Variants in THBS4 observed in about 807,000 individuals in gnomAD.
The protein encoded by THBS4 is thrombospondin-4.
In THBS4, 90 loss-of-function variants were observed where a neutral mutation model predicts 115.7. The ratio of observed to expected loss-of-function variants is 0.78; its 90% CI spans 0.66 to 0.93. The LOEUF (loss-of-function observed/expected upper bound fraction) is 0.93. THBS4 is among the 40% of genes least tolerant of loss of function. The pLI is 0.00. For missense variants in THBS4, 1,087 were observed against 1,232.7 expected, an observed-to-expected ratio of 0.88 and a Z score of 1.77; for synonymous variants, 460 against 479.3, an observed-to-expected ratio of 0.96 and a Z score of 0.53.
intron 1 of THBS4, among the ~76,000 whole-genome samples, chr5:79,993,475 G>C (rs1831729516): frequency 6.6e-6 from 1 of 152,162 alleles, no homozygotes; most frequent in South Asian, 2.1e-4. Flanking sequence ...TTAGAGTATT[G>C]TTCAGAGTTC....
At chr5:80,082,728 T>A (rs1303455272) in intron 21 of THBS4, among the ~76,000 whole-genome samples, 183 bp downstream of exon 21, 1 of 152,274 alleles carries the variant, frequency 6.6e-6, no homozygotes, top group African/African-American at 2.4e-5. Flanking sequence ...TTTATCCATG[T>A]GGAAATTAAG....
At position 79,993,766 on chromosome 5, in the gene THBS4, G is replaced by A. The variant is rs192800239; in HGVS notation, n.81+2354G>A. On this transcript the variant is annotated intron_variant and non_coding_transcript_variant, in intron 1 of 3. Transcript: ENST00000510218. ...AGGTTTGTTAGGCTCTTTTTGTCTG[G>A]GTGATTAAGAATCTGGGAAATGGTG... 1.2e-3 allele frequency among the ~76,000 whole-genome samples: 184 copies of A among 152,258 alleles called. 1 individual carries two copies. Among genetic ancestry groups the A allele is most frequent in the African/African-American group, 3.9e-3 (164 of 41,552 alleles).
upstream of THBS4, among the ~76,000 whole-genome samples, chr5:80,032,064 A>G (rs1397779752): frequency 6.6e-6 from 1 of 152,236 alleles, no homozygotes; most frequent in East Asian, 1.9e-4. Context: ...AAATTAATAC[A>G]TTATTAAAAT....
In THBS4 at chr5:79,994,639, A is replaced by C. The variant is rs78787098; in HGVS notation, n.81+3227A>C. On this transcript the variant is annotated intron_variant and non_coding_transcript_variant, in intron 1 of 3. Transcript: ENST00000510218. ...GGACAACATGATGAAACCTTGTCTC[A>C]ACAGAAACACAAAAATTATAGCTGG... is the stretch of plus-strand genomic sequence containing the variant. Among the ~76,000 whole-genome samples, 1,465 of 152,286 alleles carry C rather than the reference A, an allele frequency of 9.6e-3. 20 individuals carry two copies. Among genetic ancestry groups the C allele is most frequent in the African/African-American group, 0.031 (1,301 of 41,570 alleles).
At chr5:80,028,145 T>C (rs1179513285) in intron 2 of THBS4, among the ~76,000 whole-genome samples, 1 of 150,924 alleles carries the variant, frequency 6.6e-6, no homozygotes, top group African/African-American at 2.4e-5. Flanking sequence ...AACCCAGGAG[T>C]TTCAGACCAG....
chr5:80,052,118 T>G (rs1373266269), intron 2 of THBS4, among the ~76,000 whole-genome samples: 1 of 152,192 alleles, frequency 6.6e-6, no homozygotes, highest in African/African-American at 2.4e-5. Context: ...CTACAGGTAT[T>G]TGCAAAACTG....
intron 2 of THBS4, among the ~76,000 whole-genome samples, chr5:80,003,082 T>C (rs1831937546): frequency 6.6e-6 from 1 of 152,086 alleles, no homozygotes; most frequent in South Asian, 2.1e-4. Context: ...GGGTGGCAAG[T>C]AGAATATTGT....
At chr5:80,040,356 A>ACATACAAG (rs1832859629) in intron 2 of THBS4, 76 bp downstream of exon 2, 20 of 1,150,470 alleles carry the variant, frequency 1.7e-5, no homozygotes, top group Non-Finnish European at 2.3e-5. Context: ...ACTGTCTTTG[A>ACATACAAG]GATGGTTTCC....
intron 2 of THBS4, among the ~76,000 whole-genome samples, chr5:79,999,591 G>A (rs183652554): frequency 6.6e-6 from 1 of 152,278 alleles, no homozygotes; most frequent in East Asian, 1.9e-4. Flanking sequence ...GGCTGCCATC[G>A]ATAATGAAGA....
chr5:80,029,924 C>T lies in THBS4; in HGVS notation n.178-10153C>T, dbSNP rs988955321. Among the ~76,000 whole-genome samples the T allele has an allele frequency of 6.6e-5, 10 of 152,094 alleles. No homozygotes were observed. In the East Asian group the frequency reaches 1.5e-3, roughly 24 times the overall value. On this transcript the variant is annotated intron_variant and non_coding_transcript_variant, in intron 2 of 3. Coordinates refer to the THBS4 transcript ENST00000510218. ...GGCGGAGGTTGCAGTAAGCCGAGAT[C>T]GCGCTGCTGCACTCCAGCCTGGGCG... is the stretch of plus-strand genomic sequence containing the variant.
At chr5:80,006,391 C>T (rs756206465) in intron 2 of THBS4, among the ~76,000 whole-genome samples, 1 of 152,188 alleles carries the variant, frequency 6.6e-6, no homozygotes, top group Non-Finnish European at 1.5e-5. Context: ...GCTTTTGTGT[C>T]GTCATTCTCT....
At chr5:80,010,888 A>G (rs1401699513) in intron 2 of THBS4, among the ~76,000 whole-genome samples, 1 of 152,226 alleles carries the variant, frequency 6.6e-6, no homozygotes, top group African/African-American at 2.4e-5. Context: ...CAATTCTCAA[A>G]GGGAGCTGTC....
intron 9 of THBS4, among the ~76,000 whole-genome samples, chr5:80,065,813 T>C (rs927075689): frequency 2.6e-5 from 4 of 152,198 alleles, no homozygotes; most frequent in Non-Finnish European, 5.9e-5. Context: ...TAGTTCAGTA[T>C]TTTACTGGTG....
upstream of THBS4, among the ~76,000 whole-genome samples, chr5:80,030,557 C>T (rs960087504): frequency 2.5e-4 from 38 of 152,150 alleles, no homozygotes; most frequent in African/African-American, 8.4e-4. Flanking sequence ...TTAGTAGAGA[C>T]GGGGTTTCAC....
intron 2 of THBS4, among the ~76,000 whole-genome samples, chr5:80,029,089 C>T (rs1832536074): frequency 6.6e-6 from 1 of 152,084 alleles, no homozygotes; most frequent in Non-Finnish European, 1.5e-5. Flanking sequence ...ATTTTTTCCC[C>T]ATAGATGAAC....
upstream of THBS4, chr5:80,033,121 CA>C: frequency 3.4e-6 from 1 of 297,170 alleles, no homozygotes; most frequent in South Asian, 3.6e-5. Context: ...GTAACATCAA[CA>C]AAAATACACA....
intron 8 of THBS4, among the ~76,000 whole-genome samples, chr5:80,063,994 C>T (rs1025812500): frequency 1.3e-5 from 2 of 152,148 alleles, no homozygotes; most frequent in Admixed American, 6.5e-5. Flanking sequence ...GCTTTTACCA[C>T]CTGTGTGGAG....
At chr5:80,017,531 A>C (rs1322898578) in intron 2 of THBS4, among the ~76,000 whole-genome samples, 3 of 152,208 alleles carry the variant, frequency 2.0e-5, no homozygotes, top group Non-Finnish European at 4.4e-5. Flanking sequence ...GGATTATAAG[A>C]CTAATCAAAT....
At chr5:80,059,557 T>G in intron 6 of THBS4, 66 bp downstream of exon 6, 1 of 1,604,086 alleles carries the variant, frequency 6.2e-7, no homozygotes, top group South Asian at 1.1e-5. Context: ...GGGCTTGCGG[T>G]GAGGCTGTGT....
Sources: allele counts gnomAD v4.1 joint callset (sites outside exome capture counted in the v4.1 genomes callset), GRCh38; gene constraint gnomAD v4.1.1; transcripts MANE v1.5; gene names NCBI Gene and HGNC (gene_info 2026-07-23, HGNC 2026-07-21).